The following CDC14B variants were observed in gnomAD, a reference collection of about 807,000 sequenced individuals.
CDC14B encodes dual specificity protein phosphatase CDC14B.
A neutral mutation model predicts 64.2 loss-of-function variants in CDC14B; 22 were observed. The ratio of observed to expected loss-of-function variants is 0.34; its 90% CI spans 0.24 to 0.49. The LOEUF is 0.49. Among genes scored for constraint, CDC14B ranks in the 20% least tolerant of loss-of-function variants. The probability of loss-of-function intolerance (pLI) is 0.99; values close to 1 mark genes in which losing one functional copy is unlikely to be tolerated. For synonymous variants in CDC14B, 191 were observed against 215.8 expected (o/e 0.89, Z 1.01); for missense variants, 498 against 629.9 (o/e 0.79, Z 2.24).
rs1476967484 is a variant in CDC14B, at chr9:96,542,357, G to T, written c.498-465C>A. Among the ~76,000 whole-genome samples, 3 of 152,198 alleles carry T rather than the reference G, an allele frequency of 2.0e-5. No homozygotes were observed. The East Asian group carries it at 5.8e-4, about 29-fold the overall frequency. ...TTTATACGTGTGTCTGTCTGTGTGT[G>T]TGTGTCTCCAACCAAGTATGACAGA... On this transcript the variant is annotated intron_variant, in intron 5 of 13. Coordinates refer to ENST00000375241, the MANE Select transcript of CDC14B (RefSeq NM_033331.4).
At position 96,515,548 on chromosome 9, in the gene CDC14B, C is replaced by A; in HGVS notation, c.1344-5759G>T. On this transcript the variant is annotated intron_variant, in intron 12 of 13. Coordinates refer to ENST00000375241, the MANE Select transcript of CDC14B (RefSeq NM_033331.4). The surrounding 1 kb of genome is among the most constrained non-coding windows in gnomAD (Gnocchi z 4.3). Reference sequence around the variant, plus strand: ...AAAAGAACCTTTGAAAATAGGCAAACCAACAAAGCTAGGAGCTGACAAGGA... The same window carrying A: ...AAAAGAACCTTTGAAAATAGGCAAAACAACAAAGCTAGGAGCTGACAAGGA... 1 of 1,210,204 alleles carries A rather than the reference C, an allele frequency of 8.3e-7. No homozygotes were observed. Among genetic ancestry groups the A allele is most frequent in the Non-Finnish European group, 1.1e-6 (1 of 905,888 alleles). The allele number at this position is 1,210,204 out of a possible 1,614,324, so 75.0% of individuals were successfully genotyped here. A position where few individuals can be genotyped will look rare whatever the true frequency, so the allele number is the denominator to read the frequency against.
intron 1 of CDC14B, among the ~76,000 whole-genome samples, chr9:96,583,701 G>C (rs1845300677): frequency 6.6e-6 from 1 of 150,886 alleles, no homozygotes; most frequent in Admixed American, 6.6e-5. Context: ...TGGCCTGGTT[G>C]TGAGGATTTC....
chr9:96,508,553 G>A (rs1350715718), intron 13 of CDC14B, among the ~76,000 whole-genome samples: 1 of 152,140 alleles, frequency 6.6e-6, no homozygotes, highest in Non-Finnish European at 1.5e-5. Flanking sequence ...AGGAATATTT[G>A]GTACATTTCT....
chr9:96,543,271 T>C lies in CDC14B; in HGVS notation c.498-1379A>G, dbSNP rs903039594. The stretch of plus-strand genomic sequence containing the variant: ...AATGGCGTGAACCCGGAGGCGGAGC[T>C]TGCAGTGAGCGGAGCTTGCGCCATT... On this transcript the variant is annotated intron_variant, in intron 5 of 13. Transcript: ENST00000375241. 3.3e-5 allele frequency among the ~76,000 whole-genome samples: 5 copies of C among 151,932 alleles called. 1 individual carries two copies. Among genetic ancestry groups the C allele is most frequent in the African/African-American group, 1.2e-4 (5 of 41,366 alleles).
At chr9:96,600,029 C>T (rs1408563700) in intron 1 of CDC14B, among the ~76,000 whole-genome samples, 3 of 151,862 alleles carry the variant, frequency 2.0e-5, no homozygotes, top group Non-Finnish European at 4.4e-5. Flanking sequence ...CATACCTGGC[C>T]GTTATTTCTA....
At chr9:96,618,328 G>C (rs1847767216) in intron 1 of CDC14B, among the ~76,000 whole-genome samples, 1 of 152,218 alleles carries the variant, frequency 6.6e-6, no homozygotes, top group South Asian at 2.1e-4. Context: ...ATCGTGGACA[G>C]CTCTGCTGTT....
At chr9:96,580,109 C>T (rs1048052534) in intron 1 of CDC14B, among the ~76,000 whole-genome samples, 4 of 151,846 alleles carry the variant, frequency 2.6e-5, no homozygotes, top group Admixed American at 1.3e-4. Flanking sequence ...ACATATTTGG[C>T]CTAATTAGTA....
rs186746672 is a variant in CDC14B at position 96,546,730 on chromosome 9, G to A, written c.498-4838C>T. Among the ~76,000 whole-genome samples the A allele has an allele frequency of 5.9e-5, 9 of 151,926 alleles. No individual in the cohort carries two copies. In the East Asian group the frequency reaches 8.0e-4, roughly 13 times the overall value. On this transcript the variant is annotated intron_variant, in intron 5 of 13. Coordinates refer to ENST00000375241, the MANE Select transcript of CDC14B (RefSeq NM_033331.4). ...CTCCCAAAGTGGCAGGATTACAGGC[G>A]TGAGCCACCGCGCCCGGCCACGACA...
At chr9:96,498,179 C>A (rs1329521983), downstream of CDC14B, among the ~76,000 whole-genome samples, 1 of 152,196 alleles carries the variant, frequency 6.6e-6, no homozygotes, top group Non-Finnish European at 1.5e-5. Context: ...CTTTCCAATG[C>A]ACCCATAGCT....
At chr9:96,576,147 C>T (rs543630777) in intron 1 of CDC14B, among the ~76,000 whole-genome samples, 68 of 151,734 alleles carry the variant, frequency 4.5e-4, no homozygotes, top group African/African-American at 1.6e-3. Context: ...GGCATGGTGG[C>T]GGGCACCTGT....
chr9:96,543,961 G>A (rs1460944433), intron 5 of CDC14B, among the ~76,000 whole-genome samples: 7 of 152,170 alleles, frequency 4.6e-5, no homozygotes, highest in African/African-American at 1.2e-4. Context: ...GCTCACGCCT[G>A]TAATCCCAGC....
intron 8 of CDC14B, 92 bp downstream of exon 8, chr9:96,534,363 A>G: frequency 1.1e-6 from 1 of 930,130 alleles, no homozygotes; most frequent in Non-Finnish European, 1.7e-6. Flanking sequence ...AATAATTAAC[A>G]CTTGGTCAAG....
chr9:96,533,438 T>C (rs1384125786), intron 9 of CDC14B, among the ~76,000 whole-genome samples: 1 of 152,266 alleles, frequency 6.6e-6, no homozygotes, highest in Admixed American at 6.5e-5. Flanking sequence ...TGCTGAGCTT[T>C]TTTTCCAATA....
intron 1 of CDC14B, among the ~76,000 whole-genome samples, chr9:96,588,920 T>C (rs1186927918): frequency 6.6e-6 from 1 of 152,230 alleles, no homozygotes; most frequent in African/African-American, 2.4e-5. Flanking sequence ...CTTGTAACTA[T>C]GAAGTAGATT....
At chr9:96,555,932 G>A (rs538773703) in intron 4 of CDC14B, among the ~76,000 whole-genome samples, 14 of 142,576 alleles carry the variant, frequency 9.8e-5, no homozygotes, top group East Asian at 9.3e-4. Context: ...TCAAAACCTC[G>A]GAGGTATTGA....
At chr9:96,608,834 T>A (rs1367431191) in intron 1 of CDC14B, among the ~76,000 whole-genome samples, 1 of 152,054 alleles carries the variant, frequency 6.6e-6, no homozygotes, top group East Asian at 1.9e-4. Flanking sequence ...TATACTTATA[T>A]ATGATCAGTT....
chr9:96,537,019 G>A (rs1026697299), intron 7 of CDC14B, among the ~76,000 whole-genome samples: 7 of 152,116 alleles, frequency 4.6e-5, no homozygotes, highest in South Asian at 2.1e-4. Flanking sequence ...GTTGGGTGCC[G>A]TGGCTTACAT....
chr9:96,499,731 C>T (rs769157229), downstream of CDC14B, among the ~76,000 whole-genome samples: 11 of 152,212 alleles, frequency 7.2e-5, no homozygotes, highest in East Asian at 1.9e-4. Flanking sequence ...GGGACTTTAA[C>T]GACGTGGTGA....
chr9:96,551,924 G>C, intron 4 of CDC14B, 52 bp from the exon 5 acceptor site: 2 of 1,565,166 alleles, frequency 1.3e-6, no homozygotes. Context: ...TGAAGATACA[G>C]TGCTGTCACT....
Sources: allele counts gnomAD v4.1 joint callset (sites outside exome capture counted in the v4.1 genomes callset), GRCh38; gene constraint gnomAD v4.1.1; non-coding constraint Gnocchi (gnomAD v3.1); transcripts MANE v1.5; gene names NCBI Gene and HGNC (gene_info 2026-07-23, HGNC 2026-07-21).